CASR: variants seen among roughly 807,000 people sequenced by gnomAD.
The protein encoded by CASR is calcium sensing receptor, also known as extracellular calcium-sensing receptor.
In CASR, 23 loss-of-function variants were observed where a neutral mutation model predicts 69.1. That is an observed-to-expected ratio of 0.33 (90% CI 0.24 to 0.47). CASR has a LOEUF of 0.47. CASR is among the 20% of genes least tolerant of loss of function. The probability of loss-of-function intolerance (pLI) is 1.00; values close to 1 mark genes in which losing one functional copy is unlikely to be tolerated. For missense variants in CASR, 924 were observed against 1,356.1 expected (o/e 0.68, Z 5.00); for synonymous variants, 541 against 544.7 (o/e 0.99, Z 0.10).
At position 122,266,568 on chromosome 3, in the gene CASR, T is replaced by C. The variant is rs1372057931; in HGVS notation, c.1377+4156T>C. Reference sequence around the variant, plus strand: ...TGTTTGGATCTTTCTACTAGCTTTTTTTGTTTCTCTTCCCCTTCGTTTATT... The same window carrying C: ...TGTTTGGATCTTTCTACTAGCTTTTCTTGTTTCTCTTCCCCTTCGTTTATT... On this transcript the variant is annotated intron_variant, in intron 4 of 6. Coordinates refer to ENST00000639785, the MANE Select transcript of CASR (RefSeq NM_000388.4). 2.0e-5 allele frequency among the ~76,000 whole-genome samples: 3 copies of C among 152,276 alleles called. No homozygotes were observed. The East Asian group carries it at 5.8e-4, about 29-fold the overall frequency.
intron 1 of CASR, among the ~76,000 whole-genome samples, chr3:122,241,973 T>G (rs2074383239): frequency 6.6e-6 from 1 of 152,072 alleles, no homozygotes; most frequent in African/African-American, 2.4e-5. Context: ...TTGGATAAAG[T>G]TCAACATCAC....
At chr3:122,191,848 C>G (rs1553308) in intron 1 of CASR, among the ~76,000 whole-genome samples, 124,696 of 151,890 alleles carry the variant, frequency 0.82, 51,990 homozygotes, top group African/African-American at 0.91. Flanking sequence ...AACTTTTCTT[C>G]AATAAGGGAA....
intron 1 of CASR, among the ~76,000 whole-genome samples, chr3:122,215,117 C>T (rs749848646): frequency 6.6e-6 from 1 of 152,168 alleles, no homozygotes; most frequent in African/African-American, 2.4e-5. Context: ...TGCCTATGCA[C>T]TTGAGAAAGC....
intron 1 of CASR, chr3:122,247,596 G>C (rs1334407753): frequency 3.3e-5 from 5 of 152,214 alleles, no homozygotes; most frequent in Admixed American, 1.3e-4. Flanking sequence ...TGTGGGCTAT[G>C]TCGCCAGCAA....
chr3:122,249,935 C>T (rs2074465904), intron 1 of CASR, among the ~76,000 whole-genome samples: 2 of 152,204 alleles, frequency 1.3e-5, no homozygotes, highest in African/African-American at 4.8e-5. Context: ...CTATGAAAAG[C>T]TTAGCTCATG....
chr3:122,205,725 T>C (rs1559937418), intron 1 of CASR, among the ~76,000 whole-genome samples: 1 of 152,080 alleles, frequency 6.6e-6, no homozygotes, highest in Non-Finnish European at 1.5e-5. Context: ...ATTTTTTGTG[T>C]GTGTCCTCTT....
Position 122,284,733 on chromosome 3 carries a change from C to T in CASR, c.2779C>T (p.Pro927Ser). 6.2e-7 allele frequency: 1 copy of T among 1,614,204 alleles called. No homozygotes were observed. Among genetic ancestry groups the T allele is most frequent in the Non-Finnish European group, 8.5e-7 (1 of 1,180,022 alleles). ...KSNSEDPFPQ[P>S]ERQKQQQPLA... ...CAACAGCGAAGACCCATTCCCACAG[C>T]CCGAGAGGCAGAAGCAGCAGCAGCC... is the stretch of plus-strand genomic sequence containing the variant. Residue 927 changes from proline to serine, a missense_variant, in exon 7 of 7, where the codon CCC (proline) becomes TCC (serine). This residue lies in a region of CASR where 201 missense variants were observed against 228.8 expected (regional missense o/e 0.88). Coordinates refer to ENST00000639785, the MANE Select transcript of CASR (RefSeq NM_000388.4).
intron 1 of CASR, among the ~76,000 whole-genome samples, chr3:122,241,001 A>G (rs2074374191): frequency 6.6e-6 from 1 of 152,138 alleles, no homozygotes; most frequent in African/African-American, 2.4e-5. Context: ...TAGAAACATA[A>G]CATACCAAAA....
chr3:122,239,038 G>A lies in CASR; in HGVS notation c.-242-14910G>A, dbSNP rs368266017. Among the ~76,000 whole-genome samples, 428 of 152,176 alleles carry A rather than the reference G, an allele frequency of 2.8e-3. 1 individual carries two copies. The highest frequency in any genetic ancestry group is 3.5e-3 in the Non-Finnish European group (241 of 68,002). On this transcript the variant is annotated intron_variant, in intron 1 of 6. Coordinates refer to ENST00000639785, the MANE Select transcript of CASR (RefSeq NM_000388.4). ...ATGGCAAAAGATTCCTTCTGCTTGAGAAAAGTAAAGGGGATATTTTCTTGC... is the reference window on the plus strand; with the variant it reads ...ATGGCAAAAGATTCCTTCTGCTTGAAAAAAGTAAAGGGGATATTTTCTTGC...
At chr3:122,193,838 A>G (rs536434121) in intron 1 of CASR, among the ~76,000 whole-genome samples, 1 of 152,180 alleles carries the variant, frequency 6.6e-6, no homozygotes, top group African/African-American at 2.4e-5. Flanking sequence ...CAGTTACTAC[A>G]GTTACTTTAC....
At chr3:122,280,500 G>C (rs2074875732) in intron 5 of CASR, among the ~76,000 whole-genome samples, 1 of 152,134 alleles carries the variant, frequency 6.6e-6, no homozygotes, top group Non-Finnish European at 1.5e-5. Flanking sequence ...TGATCAAATG[G>C]GTTGGCAACT....
intron 1 of CASR, among the ~76,000 whole-genome samples, chr3:122,192,090 A>T (rs1973490): frequency 0.42 from 63,263 of 152,116 alleles, 13,907 homozygotes; most frequent in African/African-American, 0.52. Flanking sequence ...TCACAGTGAG[A>T]ATTTGAAACT....
chr3:122,275,775 G>A (rs768485231), intron 4 of CASR, 37 bp from the exon 5 acceptor site: 8 of 1,381,648 alleles, frequency 5.8e-6, no homozygotes, highest in Non-Finnish European at 8.3e-6. Context: ...CTATGTGGCA[G>A]CCCTGGGGCT....
intron 1 of CASR, among the ~76,000 whole-genome samples, chr3:122,250,011 G>A (rs985474925): frequency 3.9e-5 from 6 of 152,126 alleles, no homozygotes; most frequent in South Asian, 2.1e-4. Context: ...ATCCACCTCC[G>A]TGCAGCAGAA....
At chr3:122,257,016 G>T in intron 2 of CASR, 65 bp from the exon 3 acceptor site, 1 of 1,382,868 alleles carries the variant, frequency 7.2e-7, no homozygotes. Flanking sequence ...AGCTTTGCCA[G>T]GTCTTTACTC....
intron 4 of CASR, among the ~76,000 whole-genome samples, chr3:122,272,126 C>CACAT (rs1367984129): frequency 6.7e-6 from 1 of 149,338 alleles, no homozygotes; most frequent in Non-Finnish European, 1.5e-5. Flanking sequence ...CACACACACA[C>CACAT]GAGTAGGATT....
intron 1 of CASR, among the ~76,000 whole-genome samples, chr3:122,214,096 G>C (rs2074093656): frequency 6.6e-6 from 1 of 152,144 alleles, no homozygotes; most frequent in Non-Finnish European, 1.5e-5. Context: ...TTGTCTCTTT[G>C]TCCTGCTAAT....
Position 122,262,429 on chromosome 3 carries a change from T to C in CASR, c.1377+17T>C, listed in dbSNP as rs200650843. 1.3e-5 allele frequency: 21 copies of C among 1,606,682 alleles called. No homozygotes were observed. In the African/African-American group the frequency reaches 1.9e-4, roughly 14 times the overall value. On this transcript the variant is annotated intron_variant, in intron 4 of 6. Coordinates refer to ENST00000639785, the MANE Select transcript of CASR (RefSeq NM_000388.4). ...GCGTGGCAGGTGCGTCCTTCACTTATATAGCAATTTGCTGTATAATAAAGC... is the reference window on the plus strand; with the variant it reads ...GCGTGGCAGGTGCGTCCTTCACTTACATAGCAATTTGCTGTATAATAAAGC...
intron 1 of CASR, among the ~76,000 whole-genome samples, chr3:122,191,583 A>T (rs920345068): frequency 6.6e-6 from 1 of 152,214 alleles, no homozygotes; most frequent in Non-Finnish European, 1.5e-5. Context: ...AAGTGCTGGG[A>T]TTACAGGCAT....
Sources: gnomAD v4.1 joint callset for allele counts (sites outside exome capture counted in the v4.1 genomes callset) on GRCh38, gnomAD v4.1.1 for gene constraint, gnomAD v4.1.1 regional missense constraint, MANE v1.5 for transcripts, NCBI Gene and HGNC (gene_info 2026-07-23, HGNC 2026-07-21) for gene names.